Variants in TAF3 observed in about 807,000 individuals in gnomAD.
The protein encoded by TAF3 is transcription initiation factor TFIID subunit 3.
TAF3 carries 7 observed loss-of-function variants against 80.6 expected under a neutral mutation model. The observed-to-expected ratio is 0.09, with a 90% CI of 0.05 to 0.16. TAF3 has a LOEUF of 0.16. Ranked by LOEUF, TAF3 falls within the 10% of genes least tolerant of loss-of-function variation. The pLI is 1.00. For synonymous variants in TAF3, 444 were observed against 446.1 expected, an observed-to-expected ratio of 1.00 and a Z score of 0.06; for missense variants, 921 against 1,140.2, an observed-to-expected ratio of 0.81 and a Z score of 2.77.
chr10:7,903,277 A>G (rs1201434931), intron 2 of TAF3, among the ~76,000 whole-genome samples: 1 of 152,148 alleles, frequency 6.6e-6, no homozygotes, highest in Non-Finnish European at 1.5e-5. Context: ...AAATTGTCCC[A>G]AATTTGACAA....
In TAF3 at chr10:7,964,909, G is replaced by T; in HGVS notation, c.1399G>T (p.Asp467Tyr). 6.2e-7 allele frequency: 1 copy of T among 1,614,090 alleles called. No homozygotes were observed. Among genetic ancestry groups the T allele is most frequent in the Non-Finnish European group, 8.5e-7 (1 of 1,180,026 alleles). The change falls in exon 3 of 7, where the codon GAT becomes TAT. Residue 467 changes from aspartate (D) to tyrosine (Y), a missense_variant. Physicochemically the swap from Asp to Tyr is radical, Grantham distance 160. Coordinates refer to ENST00000344293, the MANE Select transcript of TAF3 (RefSeq NM_031923.4). The surrounding 1 kb of genome is among the most constrained non-coding windows in gnomAD (Gnocchi z 4.1). The part of the protein sequence containing the change: ...TSSSDNSWTM[D>Y]ASIDEVVRKA... ...AAGTTCCGATAACTCATGGACAATG[G>T]ATGCCTCCATTGATGAGGTTGTACG...
In TAF3 at chr10:7,977,223, A is replaced by G; in HGVS notation, c.2233-18A>G. The G allele has an allele frequency of 6.2e-7, 1 of 1,613,402 alleles. No homozygotes were observed. Among genetic ancestry groups the G allele is most frequent in the Non-Finnish European group, 8.5e-7 (1 of 1,179,432 alleles). On this transcript the variant is annotated intron_variant, in intron 3 of 6. Transcript: ENST00000344293. ...TGTTGAAAAACCATATTGAACTTTA[A>G]TGTGCTAACTTCCACAGATAAAAGT... is the stretch of plus-strand genomic sequence containing the variant.
At chr10:7,941,023 C>G (rs969618480) in intron 2 of TAF3, among the ~76,000 whole-genome samples, 1 of 151,824 alleles carries the variant, frequency 6.6e-6, no homozygotes, top group Non-Finnish European at 1.5e-5. Flanking sequence ...GTGGAAAGCT[C>G]ATGACCTGTT....
intron 2 of TAF3, among the ~76,000 whole-genome samples, chr10:7,924,280 A>G (rs1330070630): frequency 6.6e-6 from 1 of 152,190 alleles, no homozygotes. Context: ...CCCAATGAGA[A>G]AGCATATTGG....
chr10:7,869,923 A>G (rs929106689), intron 2 of TAF3, among the ~76,000 whole-genome samples: 10 of 152,106 alleles, frequency 6.6e-5, no homozygotes, highest in East Asian at 1.9e-4. Flanking sequence ...CTCTTTTATC[A>G]CGCCTGACCC....
intron 4 of TAF3, among the ~76,000 whole-genome samples, chr10:7,992,606 A>T (rs1564379145): frequency 1.3e-5 from 2 of 152,290 alleles, no homozygotes; most frequent in Middle Eastern, 6.8e-3. Flanking sequence ...GAAGAAAAAA[A>T]TAAAAGCAAA....
chr10:7,985,165 T>C (rs983677439), intron 4 of TAF3, among the ~76,000 whole-genome samples: 2 of 152,212 alleles, frequency 1.3e-5, no homozygotes, highest in African/African-American at 2.4e-5. Flanking sequence ...TTTAATGTGG[T>C]AGCCACAAGT....
At chr10:7,941,636 C>A (rs1463974085) in intron 2 of TAF3, among the ~76,000 whole-genome samples, 1 of 152,226 alleles carries the variant, frequency 6.6e-6, no homozygotes, top group Non-Finnish European at 1.5e-5. Context: ...TGCGCCGATG[C>A]CTTCGAGGCT....
At chr10:7,839,376 G>T (rs1244495) in intron 2 of TAF3, among the ~76,000 whole-genome samples, 98,303 of 151,922 alleles carry the variant, frequency 0.65, 32,229 homozygotes, top group South Asian at 0.88. Flanking sequence ...CCATTTTTTT[G>T]GCAGAAAACC....
intron 4 of TAF3, among the ~76,000 whole-genome samples, chr10:8,000,792 A>G (rs758230822): frequency 7.9e-5 from 12 of 152,212 alleles, no homozygotes; most frequent in Non-Finnish European, 1.0e-4. Context: ...TAATAAATAA[A>G]TAGATAAAAC....
intron 2 of TAF3, among the ~76,000 whole-genome samples, chr10:7,877,638 A>G (rs974224779): frequency 3.9e-5 from 6 of 152,200 alleles, no homozygotes; most frequent in Non-Finnish European, 7.3e-5. Flanking sequence ...ATTATCTTGT[A>G]GTAAGAGAAT....
At chr10:7,833,895 A>G in intron 2 of TAF3, 1 of 805,852 alleles carries the variant, frequency 1.2e-6, no homozygotes, top group South Asian at 4.2e-5. Context: ...GTACCCCTTC[A>G]GCCGCTGCAC....
chr10:7,982,309 G>C (rs1367697974), intron 4 of TAF3, among the ~76,000 whole-genome samples: 2 of 152,158 alleles, frequency 1.3e-5, no homozygotes, highest in African/African-American at 4.8e-5. Context: ...GAAGAAAAAA[G>C]AAGCAAATGA....
At chr10:7,923,095 A>G (rs1837780151) in intron 2 of TAF3, among the ~76,000 whole-genome samples, 1 of 152,112 alleles carries the variant, frequency 6.6e-6, no homozygotes. Flanking sequence ...AAGTCATTAA[A>G]TATAAGCAAC....
chr10:7,959,159 C>CGT (rs1564371381), intron 2 of TAF3, among the ~76,000 whole-genome samples: 1 of 136,984 alleles, frequency 7.3e-6, no homozygotes. Context: ...CACACACACA[C>CGT]ACACAAAAAA....
At chr10:7,867,902 C>T (rs142157034) in intron 2 of TAF3, among the ~76,000 whole-genome samples, 90 of 152,014 alleles carry the variant, frequency 5.9e-4, no homozygotes, top group African/African-American at 2.1e-3. Flanking sequence ...ACACGTATTT[C>T]GTATATTATA....
intron 4 of TAF3, among the ~76,000 whole-genome samples, chr10:7,985,802 G>A (rs1427798383): frequency 2.7e-5 from 1 of 36,498 alleles, no homozygotes; most frequent in South Asian, 8.6e-4. Flanking sequence ...TTTTTTTTTT[G>A]AGACGGAATC....
At chr10:7,827,740 A>T (rs1836756736) in intron 2 of TAF3, among the ~76,000 whole-genome samples, 2 of 150,900 alleles carry the variant, frequency 1.3e-5, no homozygotes, top group Non-Finnish European at 2.9e-5. Context: ...AGATTGTGCC[A>T]CTGTACTCCA....
intron 1 of TAF3, among the ~76,000 whole-genome samples, 155 bp downstream of exon 1, chr10:7,819,030 C>T (rs1836661367): frequency 6.6e-6 from 1 of 152,076 alleles, no homozygotes; most frequent in Non-Finnish European, 1.5e-5. Flanking sequence ...GCTTCCACTG[C>T]CGCTCCAAAC....
Sources: gnomAD v4.1 joint callset for allele counts (sites outside exome capture counted in the v4.1 genomes callset) on GRCh38, gnomAD v4.1.1 for gene constraint, Gnocchi (gnomAD v3.1) non-coding constraint, MANE v1.5 for transcripts, NCBI Gene and HGNC (gene_info 2026-07-23, HGNC 2026-07-21) for gene names.